The following CMIP variants were observed in gnomAD, a reference collection of about 807,000 sequenced individuals.
CMIP encodes C-Maf-inducing protein.
A neutral mutation model predicts 97.3 loss-of-function variants in CMIP; 13 were observed. That is an observed-to-expected ratio of 0.13 (90% CI 0.09 to 0.21). CMIP has a LOEUF of 0.21. CMIP is among the 10% of genes least tolerant of loss of function. The pLI is 1.00. For synonymous variants in CMIP, 538 were observed against 436.3 expected (o/e 1.23, Z -2.91); for missense variants, 847 against 1,024.9 (o/e 0.83, Z 2.37).
intron 1 of CMIP, among the ~76,000 whole-genome samples, chr16:81,604,562 A>T (rs1025089983): frequency 3.3e-5 from 5 of 151,658 alleles, no homozygotes; most frequent in Non-Finnish European, 7.4e-5. Context: ...TTAGCCAGGC[A>T]TGGTGGCAGG....
At chr16:81,683,716 C>G (rs920600228) in intron 10 of CMIP, among the ~76,000 whole-genome samples, 10 of 140,038 alleles carry the variant, frequency 7.1e-5, no homozygotes, top group African/African-American at 2.7e-4. Flanking sequence ...TTTGATTCTT[C>G]TAGGTAGTTC....
chr16:81,574,355 C>A (rs1295840919), intron 1 of CMIP, among the ~76,000 whole-genome samples: 1 of 152,240 alleles, frequency 6.6e-6, no homozygotes, highest in Non-Finnish European at 1.5e-5. Context: ...CTTCACAGCC[C>A]CAGGAGTCCT....
At chr16:81,623,566 C>A (rs1010194605) in intron 3 of CMIP, among the ~76,000 whole-genome samples, 2 of 152,140 alleles carry the variant, frequency 1.3e-5, no homozygotes, top group African/African-American at 2.4e-5. Flanking sequence ...TATGCTGCCA[C>A]CAGGTGGCAG....
intron 1 of CMIP, among the ~76,000 whole-genome samples, chr16:81,447,684 T>G (rs1474385456): frequency 6.6e-6 from 1 of 152,240 alleles, no homozygotes; most frequent in African/African-American, 2.4e-5. Context: ...AAGTGTTTGA[T>G]GGACTGGCAT....
At chr16:81,516,099 A>T (rs2089908314) in intron 1 of CMIP, among the ~76,000 whole-genome samples, 1 of 151,966 alleles carries the variant, frequency 6.6e-6, no homozygotes, top group East Asian at 1.9e-4. Context: ...GGGTTCTGGG[A>T]TCTCCTTCCT....
Position 81,652,122 on chromosome 16 carries a change from A to G in CMIP, c.478-81A>G. ...CTCAGGGCCCTTTACACCCTAACCC[A>G]TCTGATTCTTTGATTGTCTTCCATC... On this transcript the variant is annotated intron_variant, in intron 3 of 20. Coordinates refer to ENST00000537098, the MANE Select transcript of CMIP (RefSeq NM_198390.3). This position sits in a 1 kb window ranked among gnomAD's most constrained non-coding sequence, Gnocchi z 5.2. The G allele has an allele frequency of 8.4e-7, 1 of 1,196,708 alleles. No individual in the cohort carries two copies. Among genetic ancestry groups the G allele is most frequent in the Non-Finnish European group, 1.2e-6 (1 of 822,130 alleles). 74.1% of individuals were successfully genotyped at this position (1,196,708 alleles called of 1,614,324 possible).
chr16:81,560,743 T>C (rs2090866315), intron 1 of CMIP, among the ~76,000 whole-genome samples: 1 of 152,220 alleles, frequency 6.6e-6, no homozygotes, highest in African/African-American at 2.4e-5. Flanking sequence ...TTTCTGTGTT[T>C]AAATATGTTT....
intron 1 of CMIP, chr16:81,495,363 G>T: frequency 2.0e-6 from 3 of 1,502,782 alleles, no homozygotes; most frequent in Non-Finnish European, 2.7e-6. Context: ...TCTTGGATGG[G>T]CTGGGCGTGC....
At chr16:81,484,526 C>G (rs2089285289) in intron 1 of CMIP, among the ~76,000 whole-genome samples, 1 of 152,204 alleles carries the variant, frequency 6.6e-6, no homozygotes, top group Non-Finnish European at 1.5e-5. Context: ...CCGCCCAGTA[C>G]AAGCATCTCC....
intron 1 of CMIP, among the ~76,000 whole-genome samples, chr16:81,492,969 C>T (rs1213153834): frequency 2.0e-5 from 3 of 152,052 alleles, no homozygotes; most frequent in Non-Finnish European, 4.4e-5. Flanking sequence ...ATGCAGATGC[C>T]CCTTTAGTAG....
Position 81,704,159 on chromosome 16 carries a change from G to A in CMIP, c.2091+74G>A, listed in dbSNP as rs562028647. On this transcript the variant is annotated intron_variant, in intron 18 of 20. Coordinates refer to ENST00000537098, the MANE Select transcript of CMIP (RefSeq NM_198390.3). ...TCTGCACTCTCCTCCCTATTCCCCC[G>A]TACCATCTTCCTTTCCCCTCAGCCT... is the stretch of plus-strand genomic sequence containing the variant. 201 of 1,269,990 alleles carry A rather than the reference G, an allele frequency of 1.6e-4. 5 individuals carry two copies. In the South Asian group the frequency reaches 2.4e-3, roughly 15 times the overall value. 78.7% of individuals were successfully genotyped at this position (1,269,990 alleles called of 1,614,324 possible).
chr16:81,622,404 G>C (rs939512936), intron 3 of CMIP, among the ~76,000 whole-genome samples: 1 of 152,128 alleles, frequency 6.6e-6, no homozygotes, highest in Non-Finnish European at 1.5e-5. Context: ...CTTTGTGCCC[G>C]GGTACGAGTG....
At chr16:81,525,435 C>T (rs1259605434) in intron 1 of CMIP, among the ~76,000 whole-genome samples, 2 of 151,932 alleles carry the variant, frequency 1.3e-5, no homozygotes, top group Non-Finnish European at 2.9e-5. Flanking sequence ...GAGCCACTGC[C>T]TCTGGCCCCT....
intron 1 of CMIP, among the ~76,000 whole-genome samples, chr16:81,469,844 G>C (rs1907417230): frequency 6.6e-6 from 1 of 152,222 alleles, no homozygotes; most frequent in African/African-American, 2.4e-5. Context: ...GGCCAGTTCT[G>C]TTTGAACATT....
In CMIP at chr16:81,704,035, C is replaced by A; in HGVS notation, c.2041C>A (p.His681Asn). Residue 681 changes from histidine (H) to asparagine (N), a missense_variant, in exon 18 of 21, where the codon CAC becomes AAC. His to Asn is a moderately conservative substitution (Grantham distance 68, BLOSUM62 1). Around this residue, in one of 4 missense-constraint regions of CMIP, gnomAD observed 266 missense variants for 384.2 expected, o/e 0.69. Transcript: ENST00000537098. ...FTNVTSACAE[H>N]LIKLPSLKQL... ...CAATGTAACCAGTGCCTGCGCCGAG[C>A]ACCTCATCAAACTGCCTTCGCTCAA... is the stretch of plus-strand genomic sequence containing the variant. 6.2e-7 allele frequency: 1 copy of A among 1,606,118 alleles called. No homozygotes were observed. Among genetic ancestry groups the A allele is most frequent in the Non-Finnish European group, 8.5e-7 (1 of 1,176,940 alleles).
chr16:81,700,357 T>C (rs1056122138), intron 15 of CMIP, among the ~76,000 whole-genome samples: 3 of 151,846 alleles, frequency 2.0e-5, no homozygotes, highest in African/African-American at 7.3e-5. Context: ...CTGCTGCTCC[T>C]CTCTCTCCCT....
At chr16:81,492,464 A>C (rs531802980) in intron 1 of CMIP, among the ~76,000 whole-genome samples, 1 of 152,280 alleles carries the variant, frequency 6.6e-6, no homozygotes, top group East Asian at 1.9e-4. Context: ...AAGATGAAAA[A>C]GTGTCCCTTC....
At chr16:81,505,536 T>C (rs2089692788) in intron 1 of CMIP, among the ~76,000 whole-genome samples, 1 of 152,236 alleles carries the variant, frequency 6.6e-6, no homozygotes, top group Non-Finnish European at 1.5e-5. Context: ...TTTAGTGCTT[T>C]CTTAGTTTGG....
chr16:81,529,444 G>A (rs927480884), intron 1 of CMIP, among the ~76,000 whole-genome samples: 2 of 152,176 alleles, frequency 1.3e-5, no homozygotes, highest in Admixed American at 1.3e-4. Flanking sequence ...GGGGCTTGTT[G>A]GTCTTCGAGG....
Sources: gnomAD v4.1 joint callset for allele counts (sites outside exome capture counted in the v4.1 genomes callset) on GRCh38, gnomAD v4.1.1 for gene constraint, gnomAD v4.1.1 regional missense constraint, Gnocchi (gnomAD v3.1) non-coding constraint, MANE v1.5 for transcripts, NCBI Gene and HGNC (gene_info 2026-07-23, HGNC 2026-07-21) for gene names.